The following FBXO36 variants were observed in gnomAD, a reference collection of about 807,000 sequenced individuals.
FBXO36 encodes F-box protein 36, also known as F-box only protein 36.
FBXO36 carries 18 observed loss-of-function variants against 17.0 expected under a neutral mutation model. That is an observed-to-expected ratio of 1.06 (90% confidence interval 0.73 to 1.57). FBXO36 has a LOEUF of 1.57. Among genes scored for constraint, FBXO36 ranks in the 40% most tolerant of loss-of-function variants. FBXO36 has a pLI of 0.00. For synonymous variants in FBXO36, 83 were observed against 85.3 expected (o/e 0.97, Z 0.15); for missense variants, 229 against 221.9 (o/e 1.03, Z -0.20).
At chr2:229,924,811 C>T (rs2076898582) in intron 1 of FBXO36, among the ~76,000 whole-genome samples, 1 of 151,978 alleles carries the variant, frequency 6.6e-6, no homozygotes, top group Non-Finnish European at 1.5e-5. Context: ...CACTGTCGCC[C>T]AGGCTGGAGT....
chr2:230,011,926 G>T lies in FBXO36; in HGVS notation c.*1042G>T, dbSNP rs554481073. 4 of 152,212 alleles carry T rather than the reference G, an allele frequency of 2.6e-5. No homozygotes were observed. The South Asian group carries it at 8.3e-4, about 32-fold the overall frequency. 9.4% of individuals were successfully genotyped at this position (152,212 alleles called of 1,614,324 possible). On this transcript the variant is annotated 3_prime_UTR_variant, in exon 4 of 4. Coordinates refer to ENST00000283946, the MANE Select transcript of FBXO36 (RefSeq NM_174899.5). Reference sequence around the variant, plus strand: ...AAAGAATACAGTCCTGGGGAGAAAGGTCACTTCACTGAGAAGGCTTACTTA... The same window carrying T: ...AAAGAATACAGTCCTGGGGAGAAAGTTCACTTCACTGAGAAGGCTTACTTA...
intron 2 of FBXO36, among the ~76,000 whole-genome samples, chr2:229,986,369 C>A (rs2077268311): frequency 6.6e-6 from 1 of 151,960 alleles, no homozygotes; most frequent in Admixed American, 6.6e-5. Context: ...GGTGTGGATT[C>A]ACGTTCACCT....
intron 2 of FBXO36, among the ~76,000 whole-genome samples, chr2:229,980,173 C>T (rs528998312): frequency 2.9e-4 from 44 of 152,116 alleles, no homozygotes; most frequent in East Asian, 5.8e-4. Context: ...ACAGAGCCCC[C>T]GCCCCTGCCC....
At chr2:229,954,495 G>T (rs1372832965) in intron 1 of FBXO36, among the ~76,000 whole-genome samples, 1 of 149,958 alleles carries the variant, frequency 6.7e-6, no homozygotes, top group Non-Finnish European at 1.5e-5. Context: ...TGCCCGCTTC[G>T]GCCTCCCAAA....
At chr2:229,926,436 T>C (rs999373117) in intron 1 of FBXO36, among the ~76,000 whole-genome samples, 2 of 150,792 alleles carry the variant, frequency 1.3e-5, no homozygotes, top group Non-Finnish European at 2.9e-5. Context: ...GTCTTTAAAA[T>C]AAATAAATAA....
At chr2:229,934,294 G>T (rs910382413) in intron 1 of FBXO36, among the ~76,000 whole-genome samples, 3 of 152,060 alleles carry the variant, frequency 2.0e-5, no homozygotes, top group African/African-American at 7.2e-5. Flanking sequence ...CCAGCTACTC[G>T]GGAGGCTGAG....
At chr2:229,933,615 T>C (rs979024401) in intron 1 of FBXO36, among the ~76,000 whole-genome samples, 15 of 152,122 alleles carry the variant, frequency 9.9e-5, no homozygotes, top group Non-Finnish European at 7.4e-5. Context: ...GTCCCAGCTA[T>C]TGAGAAGGCT....
intron 1 of FBXO36, among the ~76,000 whole-genome samples, chr2:229,974,239 AC>A (rs1221895863): frequency 1.3e-5 from 2 of 152,086 alleles, no homozygotes; most frequent in Non-Finnish European, 2.9e-5. Flanking sequence ...CTCCAAAGGA[AC>A]TCTGTGTTTA....
At position 229,976,314 on chromosome 2, in the gene FBXO36, C is replaced by T; in HGVS notation, c.170C>T (p.Thr57Ile). Residue 57 changes from threonine (T) to isoleucine (I), a missense_variant, in exon 2 of 4, where the codon ACC becomes ATC. Thr to Ile is a moderately conservative substitution (Grantham distance 89, BLOSUM62 -1). Transcript: ENST00000283946. ...ACAAAACCTGGAGAAGCAAAAGAAACCCATGAAGACTTCCTAGAGAATTCA... is the reference window on the plus strand; with the variant it reads ...ACAAAACCTGGAGAAGCAAAAGAAATCCATGAAGACTTCCTAGAGAATTCA... ...RSTKPGEAKETHEDFLENSHL... is the reference protein window; with the variant it reads ...RSTKPGEAKEIHEDFLENSHL... 6.2e-7 allele frequency: 1 copy of T among 1,613,556 alleles called. No individual in the cohort carries two copies. Among genetic ancestry groups the T allele is most frequent in the South Asian group, 1.1e-5 (1 of 91,056 alleles).
At chr2:229,996,623 G>T in intron 2 of FBXO36, 128 bp from the exon 3 acceptor site, 1 of 1,017,924 alleles carries the variant, frequency 9.8e-7, no homozygotes, top group Admixed American at 2.7e-5. Context: ...GGTGAAAGTA[G>T]GAATGACTTA....
chr2:229,965,479 C>T (rs1355011762), intron 1 of FBXO36, among the ~76,000 whole-genome samples: 1 of 151,206 alleles, frequency 6.6e-6, no homozygotes, highest in South Asian at 2.1e-4. Flanking sequence ...CACCCATTAA[C>T]TCATCATTTA....
At chr2:229,966,786 T>C (rs2077155447) in intron 1 of FBXO36, among the ~76,000 whole-genome samples, 1 of 152,328 alleles carries the variant, frequency 6.6e-6, no homozygotes, top group South Asian at 2.1e-4. Flanking sequence ...TACTGTAGCC[T>C]TGTAGTATAG....
intron 1 of FBXO36, 79 bp downstream of exon 1, chr2:229,922,688 G>A: frequency 2.0e-6 from 3 of 1,469,510 alleles, no homozygotes; most frequent in Non-Finnish European, 2.8e-6. Flanking sequence ...GGCTGTGCTA[G>A]GCCAAGAGCA....
At chr2:229,978,350 A>C (rs1256175011) in intron 2 of FBXO36, among the ~76,000 whole-genome samples, 1 of 152,050 alleles carries the variant, frequency 6.6e-6, no homozygotes, top group Non-Finnish European at 1.5e-5. Flanking sequence ...CGGAAGGCCA[A>C]GGTGGGCAGA....
chr2:229,974,316 T>C (rs1159067883), intron 1 of FBXO36, among the ~76,000 whole-genome samples: 1 of 152,140 alleles, frequency 6.6e-6, no homozygotes, highest in Non-Finnish European at 1.5e-5. Context: ...GCAAGTGTTA[T>C]ATTCTCAGTA....
intron 1 of FBXO36, among the ~76,000 whole-genome samples, chr2:229,923,807 T>C (rs2076871823): frequency 1.3e-5 from 2 of 150,534 alleles, no homozygotes; most frequent in Admixed American, 1.3e-4. Flanking sequence ...ATGTATGAAA[T>C]ACTGAAAGGT....
intron 3 of FBXO36, among the ~76,000 whole-genome samples, chr2:230,006,492 C>T (rs886531241): frequency 1.3e-5 from 2 of 152,126 alleles, no homozygotes; most frequent in Admixed American, 6.5e-5. Flanking sequence ...ACTGCTGGAC[C>T]GAGTGATATA....
At chr2:229,931,537 C>G (rs2076938358) in intron 1 of FBXO36, among the ~76,000 whole-genome samples, 1 of 152,150 alleles carries the variant, frequency 6.6e-6, no homozygotes. Flanking sequence ...AAGCTTTATC[C>G]CAACTCTAAA....
chr2:229,991,027 C>G (rs2106206208), intron 2 of FBXO36, among the ~76,000 whole-genome samples: 1 of 151,966 alleles, frequency 6.6e-6, no homozygotes, highest in Non-Finnish European at 1.5e-5. Flanking sequence ...ACTGCAACCT[C>G]CACCTCAAAG....
Sources: gnomAD v4.1 joint callset for allele counts (sites outside exome capture counted in the v4.1 genomes callset) on GRCh38, gnomAD v4.1.1 for gene constraint, MANE v1.5 for transcripts, NCBI Gene and HGNC (gene_info 2026-07-23, HGNC 2026-07-21) for gene names.